The following PPM1L variants were observed in gnomAD, a reference collection of about 807,000 sequenced individuals.
PPM1L encodes the protein protein phosphatase 1L.
A neutral mutation model predicts 31.4 loss-of-function variants in PPM1L; 13 were observed. The observed-to-expected ratio is 0.41, with a 90% CI of 0.27 to 0.66. The LOEUF is 0.66. Ranked by LOEUF, PPM1L falls within the 30% of genes least tolerant of loss-of-function variation. PPM1L has a pLI of 0.29. For synonymous variants in PPM1L, 184 were observed against 175.4 expected (o/e 1.05, Z -0.39); for missense variants, 326 against 453.7 (o/e 0.72, Z 2.56).
At chr3:161,030,296 A>T (rs1718526712) in intron 2 of PPM1L, among the ~76,000 whole-genome samples, 1 of 152,162 alleles carries the variant, frequency 6.6e-6, no homozygotes, top group Non-Finnish European at 1.5e-5. Context: ...TCGCCATGTA[A>T]GGACACAGCA....
chr3:160,777,869 G>A (rs751687381), intron 1 of PPM1L, among the ~76,000 whole-genome samples: 1 of 152,052 alleles, frequency 6.6e-6, no homozygotes, highest in Non-Finnish European at 1.5e-5. Context: ...AATTCTTTTG[G>A]ATATATTTAT....
intron 2 of PPM1L, among the ~76,000 whole-genome samples, chr3:161,016,730 A>T (rs1476208574): frequency 2.0e-5 from 3 of 152,192 alleles, no homozygotes; most frequent in Non-Finnish European, 2.9e-5. Context: ...CTGGTAGGAC[A>T]TCAGGTTGGG....
At chr3:160,972,487 A>G (rs1473958566) in intron 2 of PPM1L, among the ~76,000 whole-genome samples, 3 of 152,000 alleles carry the variant, frequency 2.0e-5, no homozygotes, top group South Asian at 2.1e-4. Context: ...GCTGAGAATA[A>G]TGGTTTCCAG....
intron 1 of PPM1L, among the ~76,000 whole-genome samples, chr3:160,919,674 A>G (rs961969843): frequency 6.6e-6 from 1 of 152,216 alleles, no homozygotes; most frequent in Non-Finnish European, 1.5e-5. Flanking sequence ...CACAAAAGTT[A>G]TAACATTATA....
intron 3 of PPM1L, 80 bp from the exon 4 acceptor site, chr3:161,068,731 C>A: frequency 8.4e-7 from 1 of 1,186,472 alleles, no homozygotes; most frequent in Non-Finnish European, 1.2e-6. Context: ...GTAGGTCACC[C>A]TGTTGCGCAC....
At chr3:161,062,147 A>AGGG (rs1559941367) in intron 2 of PPM1L, among the ~76,000 whole-genome samples, 2 of 146,292 alleles carry the variant, frequency 1.4e-5, no homozygotes, top group East Asian at 3.9e-4. Flanking sequence ...TGGGGGGGGA[A>AGGG]AAAAAAAAGC....
At chr3:160,854,816 T>G (rs1711629749) in intron 1 of PPM1L, among the ~76,000 whole-genome samples, 1 of 144,928 alleles carries the variant, frequency 6.9e-6, no homozygotes, top group Non-Finnish European at 1.5e-5. Flanking sequence ...GCTATTTCTA[T>G]CAAACTACCA....
intron 2 of PPM1L, among the ~76,000 whole-genome samples, chr3:161,020,749 TTC>T (rs2108071817): frequency 6.6e-6 from 1 of 152,310 alleles, no homozygotes; most frequent in African/African-American, 2.4e-5. Context: ...TGTTGGGATC[TTC>T]TGTTTCTTCT....
At chr3:160,789,402 A>T in intron 1 of PPM1L, among the ~76,000 whole-genome samples, 1 of 151,336 alleles carries the variant, frequency 6.6e-6, no homozygotes, top group African/African-American at 2.4e-5. Context: ...TTTGCCTCTC[A>T]CTCTTCTATT....
At chr3:161,005,270 C>G (rs1038160654) in intron 2 of PPM1L, among the ~76,000 whole-genome samples, 2 of 152,194 alleles carry the variant, frequency 1.3e-5, no homozygotes, top group East Asian at 3.9e-4. Context: ...GTGGATCTTT[C>G]TAATTTATTT....
intron 1 of PPM1L, among the ~76,000 whole-genome samples, chr3:160,904,774 G>C (rs745921489): frequency 4.6e-5 from 7 of 151,944 alleles, no homozygotes; most frequent in Non-Finnish European, 1.0e-4. Flanking sequence ...GAGAGATAGA[G>C]AGAGAGAGAG....
At chr3:160,811,938 C>T (rs1712820915) in intron 1 of PPM1L, among the ~76,000 whole-genome samples, 2 of 152,300 alleles carry the variant, frequency 1.3e-5, no homozygotes, top group Admixed American at 1.3e-4. Flanking sequence ...GGTGAACACC[C>T]AGGGCTTGCC....
chr3:160,847,157 C>G (rs1714101492), intron 1 of PPM1L, among the ~76,000 whole-genome samples: 1 of 152,028 alleles, frequency 6.6e-6, no homozygotes, highest in Non-Finnish European at 1.5e-5. Context: ...CTGTTTCTTC[C>G]CTCTTTAAAG....
intron 2 of PPM1L, among the ~76,000 whole-genome samples, chr3:160,983,582 A>T (rs1475419133): frequency 6.6e-6 from 1 of 152,214 alleles, no homozygotes; most frequent in Non-Finnish European, 1.5e-5. Context: ...TTGAAGTTAT[A>T]CTGAATTTAT....
At chr3:160,793,079 C>T (rs1244979683) in intron 1 of PPM1L, among the ~76,000 whole-genome samples, 1 of 152,080 alleles carries the variant, frequency 6.6e-6, no homozygotes, top group East Asian at 1.9e-4. Context: ...TTGATGTTAA[C>T]CTTGATCATC....
chr3:160,836,200 A>T (rs1016239615), intron 1 of PPM1L, among the ~76,000 whole-genome samples: 7 of 152,074 alleles, frequency 4.6e-5, no homozygotes, highest in Admixed American at 4.6e-4. Flanking sequence ...GCTGCTCTTG[A>T]ATTTATTGCT....
chr3:160,826,973 GA>G lies in PPM1L; in HGVS notation c.399+70270del, dbSNP rs548216477. Among the ~76,000 whole-genome samples, 40 of 152,256 alleles carry G rather than the reference GA, an allele frequency of 2.6e-4. No individual in the cohort carries two copies. The East Asian group carries it at 7.1e-3, about 27-fold the overall frequency. ...GTAATAGTGAATAGGGCCAAGGAAAGAAAAGCAGGGGGAAAGAAAGGAGAAA... is the reference window on the plus strand; with the variant it reads ...GTAATAGTGAATAGGGCCAAGGAAAGAAAGCAGGGGGAAAGAAAGGAGAAA... On this transcript the variant is annotated intron_variant, in intron 1 of 3. Coordinates refer to ENST00000498165, the MANE Select transcript of PPM1L (RefSeq NM_139245.4).
At chr3:160,891,366 A>T (rs1576694131) in intron 1 of PPM1L, among the ~76,000 whole-genome samples, 1 of 152,226 alleles carries the variant, frequency 6.6e-6, no homozygotes, top group Non-Finnish European at 1.5e-5. Flanking sequence ...TTGAAAGAAG[A>T]CATTCATGCA....
chr3:160,776,762 G>T (rs936971240), intron 1 of PPM1L, among the ~76,000 whole-genome samples: 1 of 151,786 alleles, frequency 6.6e-6, no homozygotes, highest in Admixed American at 6.6e-5. Context: ...TACCACACCT[G>T]ACTAATTTTT....
Sources: gnomAD v4.1 joint callset for allele counts (sites outside exome capture counted in the v4.1 genomes callset) on GRCh38, gnomAD v4.1.1 for gene constraint, MANE v1.5 for transcripts, NCBI Gene and HGNC (gene_info 2026-07-23, HGNC 2026-07-21) for gene names.